SCHIP1: variants seen among roughly 807,000 people sequenced by gnomAD.
The protein encoded by SCHIP1 is schwannomin interacting protein 1.
Under a neutral mutation model 29.7 loss-of-function variants are expected in SCHIP1, and 8 were observed. The observed-to-expected ratio is 0.27, with a 90% CI of 0.16 to 0.49. The LOEUF is 0.49. Among genes scored for constraint, SCHIP1 ranks in the 20% least tolerant of loss-of-function variants. SCHIP1 has a pLI of 0.99. For synonymous variants in SCHIP1, 76 were observed against 94.9 expected (o/e 0.80, Z 1.16); for missense variants, 193 against 294.6 (o/e 0.66, Z 2.52).
the SCHIP1 span, among the ~76,000 whole-genome samples, chr3:159,823,268 G>T: frequency 1.3e-5 from 2 of 152,176 alleles, no homozygotes; most frequent in African/African-American, 4.8e-5. Flanking sequence ...AAGATCTCTG[G>T]ATCTTTGGAC....
chr3:159,389,475 T>C, the SCHIP1 span, among the ~76,000 whole-genome samples: 11 of 152,072 alleles, frequency 7.2e-5, no homozygotes, highest in African/African-American at 2.4e-4. Context: ...ACAATTTGGC[T>C]GCTTGGTCAC....
the SCHIP1 span, among the ~76,000 whole-genome samples, chr3:159,507,450 T>G: frequency 6.6e-6 from 1 of 152,136 alleles, no homozygotes; most frequent in Non-Finnish European, 1.5e-5. Context: ...TAATTGAATG[T>G]CCTTTATTTC....
At chr3:159,274,373 G>A in the SCHIP1 span, 4 of 974,788 alleles carry the variant, frequency 4.1e-6, no homozygotes, top group Non-Finnish European at 3.7e-6. Flanking sequence ...ATACATGGGA[G>A]ATATTTGATG....
the SCHIP1 span, among the ~76,000 whole-genome samples, chr3:159,346,020 C>T: frequency 2.0e-5 from 3 of 151,782 alleles, no homozygotes; most frequent in East Asian, 5.9e-4. Context: ...AGAAGGAAAC[C>T]CTGTCTCTAC....
At chr3:159,406,531 G>A in the SCHIP1 span, among the ~76,000 whole-genome samples, 1 of 152,126 alleles carries the variant, frequency 6.6e-6, no homozygotes, top group Admixed American at 6.5e-5. Flanking sequence ...TGAGCAATAA[G>A]TAAGCATCTG....
the SCHIP1 span, among the ~76,000 whole-genome samples, chr3:159,521,127 C>A: frequency 6.6e-6 from 1 of 152,304 alleles, no homozygotes; most frequent in Admixed American, 6.5e-5. Flanking sequence ...TGTTTCCCCA[C>A]CTTCTTAGTT....
chr3:159,705,569 G>A, the SCHIP1 span, among the ~76,000 whole-genome samples: 2 of 152,098 alleles, frequency 1.3e-5, no homozygotes, highest in African/African-American at 4.8e-5. Context: ...TAGGGGAGAG[G>A]AGAACCTGAC....
chr3:159,721,680 G>A, the SCHIP1 span: 292 of 290,468 alleles, frequency 1.0e-3, no homozygotes, highest in African/African-American at 6.4e-3. Flanking sequence ...GTATGAGGCT[G>A]TTGAGCTCCT....
the SCHIP1 span, among the ~76,000 whole-genome samples, chr3:159,659,871 A>C: frequency 6.6e-6 from 1 of 152,164 alleles, no homozygotes; most frequent in Non-Finnish European, 1.5e-5. Flanking sequence ...CAAAAGGTTA[A>C]AGCGTGAAAA....
At chr3:159,284,373 A>G in the SCHIP1 span, among the ~76,000 whole-genome samples, 1 of 152,078 alleles carries the variant, frequency 6.6e-6, no homozygotes, top group African/African-American at 2.4e-5. Context: ...AATATTTATA[A>G]TTTTGTTAAT....
chr3:159,514,101 C>T, the SCHIP1 span, among the ~76,000 whole-genome samples: 2 of 152,084 alleles, frequency 1.3e-5, no homozygotes, highest in South Asian at 4.1e-4. Context: ...GAAAGCAGCC[C>T]TTTTTTCCAG....
the SCHIP1 span, among the ~76,000 whole-genome samples, chr3:159,714,849 C>A: frequency 3.3e-5 from 5 of 152,250 alleles, no homozygotes; most frequent in Non-Finnish European, 7.3e-5. Context: ...GGAGGCAAAA[C>A]TTCTGCAGAC....
the SCHIP1 span, among the ~76,000 whole-genome samples, chr3:159,406,911 C>G: frequency 6.7e-3 from 1,016 of 151,918 alleles, 10 homozygotes; most frequent in South Asian, 0.032. Flanking sequence ...AGGTAAAAAT[C>G]AAGAAATTAA....
chr3:159,866,035 T>C, intron 1 of SCHIP1, 128 bp from the exon 3 acceptor site: 1 of 799,596 alleles, frequency 1.3e-6, no homozygotes, highest in East Asian at 2.5e-5. Flanking sequence ...CAAATACTCT[T>C]ATGCCGCAGC....
the SCHIP1 span, among the ~76,000 whole-genome samples, chr3:159,455,125 C>A: frequency 6.6e-6 from 1 of 152,076 alleles, no homozygotes; most frequent in Non-Finnish European, 1.5e-5. Flanking sequence ...TCCCAGCTAC[C>A]AGGAGATAAT....
At chr3:159,656,049 G>T in the SCHIP1 span, among the ~76,000 whole-genome samples, 3 of 152,180 alleles carry the variant, frequency 2.0e-5, no homozygotes, top group African/African-American at 7.2e-5. Context: ...GCAAAAAGCT[G>T]TGGATGGCCT....
At chr3:159,351,782 C>A in the SCHIP1 span, among the ~76,000 whole-genome samples, 1 of 152,022 alleles carries the variant, frequency 6.6e-6, no homozygotes, top group Non-Finnish European at 1.5e-5. Flanking sequence ...GCTGAAGGAA[C>A]CTTAGTTTGT....
At chr3:159,625,319 TG>T in the SCHIP1 span, among the ~76,000 whole-genome samples, 141 of 152,236 alleles carry the variant, frequency 9.3e-4, no homozygotes, top group Non-Finnish European at 1.1e-3. Flanking sequence ...GCATAAAGCT[TG>T]TGAAACAGCC....
the SCHIP1 span, among the ~76,000 whole-genome samples, chr3:159,402,752 AG>A: frequency 6.6e-6 from 1 of 152,118 alleles, no homozygotes; most frequent in Non-Finnish European, 1.5e-5. Context: ...GGACACAGGA[AG>A]GCGAACATCA....
Sources: allele counts gnomAD v4.1 joint callset (sites outside exome capture counted in the v4.1 genomes callset), GRCh38; gene constraint gnomAD v4.1.1; transcripts MANE v1.5; gene names NCBI Gene and HGNC (gene_info 2026-07-23, HGNC 2026-07-21).